Variants in RPS6KA2 observed in about 807,000 individuals in gnomAD.
RPS6KA2 encodes the protein ribosomal protein S6 kinase alpha-2.
A neutral mutation model predicts 91.8 loss-of-function variants in RPS6KA2; 42 were observed. The ratio of observed to expected loss-of-function variants is 0.46; its 90% CI spans 0.36 to 0.59. RPS6KA2 has a LOEUF of 0.59. Ranked by LOEUF, RPS6KA2 falls within the 20% of genes least tolerant of loss-of-function variation. The pLI is 0.00. For missense variants in RPS6KA2, 798 were observed against 978.5 expected, an observed-to-expected ratio of 0.82 and a Z score of 2.46; for synonymous variants, 414 against 393.6, an observed-to-expected ratio of 1.05 and a Z score of -0.61.
In RPS6KA2 at chr6:166,557,304, G is replaced by A. The variant is rs550042204; in HGVS notation, c.100-18520C>T. On this transcript the variant is annotated intron_variant, in intron 1 of 20. Transcript: ENST00000265678. This position sits in a 1 kb window ranked among gnomAD's most constrained non-coding sequence, Gnocchi z 4.8. ...GGAGCATGCTTCCCAAGAACAGCCCGCAGGGAAGACGCCCAAAACCTAAAT... is the reference window on the plus strand; with the variant it reads ...GGAGCATGCTTCCCAAGAACAGCCCACAGGGAAGACGCCCAAAACCTAAAT... Among the ~76,000 whole-genome samples the A allele has an allele frequency of 2.6e-5, 4 of 152,208 alleles. No homozygotes were observed. The highest frequency in any genetic ancestry group is 1.3e-4 in the Admixed American group (2 of 15,284).
chr6:166,689,954 C>T (rs1257708384), intron 2 of RPS6KA2, among the ~76,000 whole-genome samples: 2 of 152,252 alleles, frequency 1.3e-5, no homozygotes, highest in African/African-American at 4.8e-5. Context: ...GGCCTCTGGT[C>T]CTGCTGCTGT....
chr6:166,497,536 C>A (rs757633531), intron 8 of RPS6KA2, among the ~76,000 whole-genome samples: 4 of 152,264 alleles, frequency 2.6e-5, no homozygotes, highest in Non-Finnish European at 5.9e-5. Context: ...ACGTGGAACA[C>A]AGCCAGGGCC....
intron 3 of RPS6KA2, among the ~76,000 whole-genome samples, 179 bp downstream of exon 3, chr6:166,531,053 A>T (rs528532456): frequency 6.6e-6 from 1 of 152,364 alleles, no homozygotes; most frequent in Admixed American, 6.5e-5. Context: ...CTCTGCAGGG[A>T]TATTTTAAAT....
At chr6:166,715,992 T>G (rs1789998787) in intron 2 of RPS6KA2, among the ~76,000 whole-genome samples, 1 of 129,862 alleles carries the variant, frequency 7.7e-6, no homozygotes, top group Non-Finnish European at 1.5e-5. Context: ...GAGCCGAGAC[T>G]GCACCACTGC....
chr6:166,561,796 G>A (rs1365506123), intron 1 of RPS6KA2, among the ~76,000 whole-genome samples: 4 of 152,062 alleles, frequency 2.6e-5, no homozygotes, highest in African/African-American at 4.8e-5. Context: ...GATGGGCTGC[G>A]GGTTGGACAA....
intron 2 of RPS6KA2, among the ~76,000 whole-genome samples, chr6:166,672,232 A>G (rs6933835): frequency 0.5 from 76,634 of 151,918 alleles, 20,472 homozygotes; most frequent in African/African-American, 0.69. Context: ...GGAGAACACT[A>G]CGGGGAACAA....
chr6:166,799,273 T>C (rs1779301517), intron 2 of RPS6KA2, among the ~76,000 whole-genome samples: 1 of 152,274 alleles, frequency 6.6e-6, no homozygotes, highest in Non-Finnish European at 1.5e-5. Flanking sequence ...TCTGAGATTT[T>C]AATTTTATAA....
intron 2 of RPS6KA2, among the ~76,000 whole-genome samples, chr6:166,779,213 T>A (rs1778704392): frequency 6.6e-6 from 1 of 152,186 alleles, no homozygotes; most frequent in South Asian, 2.1e-4. Context: ...GCCCTCAGGA[T>A]GGTGCAACAG....
intron 11 of RPS6KA2, among the ~76,000 whole-genome samples, chr6:166,466,383 C>T (rs1421334037): frequency 2.6e-5 from 4 of 152,262 alleles, no homozygotes; most frequent in African/African-American, 4.8e-5. Context: ...AGGCATCTCA[C>T]AAGGTTGTCT....
At chr6:166,597,126 G>C (rs3799595) in intron 1 of RPS6KA2, among the ~76,000 whole-genome samples, 13,846 of 152,304 alleles carry the variant, frequency 0.091, 753 homozygotes, top group East Asian at 0.27. Context: ...AAGTGAGATG[G>C]AGAGAAAGGA....
Position 166,754,163 on chromosome 6 carries a change from G to T in RPS6KA2, c.123+104037C>A, listed in dbSNP as rs1407678836. 5.9e-5 allele frequency among the ~76,000 whole-genome samples: 9 copies of T among 152,324 alleles called. No homozygotes were observed. The South Asian group carries it at 1.7e-3, about 28-fold the overall frequency. ...CCTATTTTTGCATTTCCCACATCAT[G>T]TATGTTGGAAGAATCTTGAATACAC... On this transcript the variant is annotated intron_variant, in intron 2 of 21. Coordinates refer to the RPS6KA2 transcript ENST00000503859.
chr6:166,773,736 C>G (rs1432801717), intron 2 of RPS6KA2, among the ~76,000 whole-genome samples: 1 of 152,192 alleles, frequency 6.6e-6, no homozygotes, highest in Non-Finnish European at 1.5e-5. Context: ...TCTGTCCATC[C>G]TGTTACATAC....
At chr6:166,654,923 C>A (rs1787961977) in intron 2 of RPS6KA2, among the ~76,000 whole-genome samples, 1 of 151,964 alleles carries the variant, frequency 6.6e-6, no homozygotes, top group African/African-American at 2.4e-5. Flanking sequence ...AGCTCCTCAA[C>A]CTTTCCCCTC....
At chr6:166,790,175 G>A (rs1252215537) in intron 2 of RPS6KA2, among the ~76,000 whole-genome samples, 4 of 152,236 alleles carry the variant, frequency 2.6e-5, no homozygotes, top group Admixed American at 2.6e-4. Context: ...TAAAGGAGCT[G>A]ATGGAGCTGA....
intron 2 of RPS6KA2, among the ~76,000 whole-genome samples, chr6:166,822,595 C>T (rs772006680): frequency 2.0e-5 from 3 of 152,212 alleles, no homozygotes; most frequent in African/African-American, 2.4e-5. Flanking sequence ...CGATTTCCAG[C>T]TACACTGAGA....
At chr6:166,475,571 C>G (rs1004624552) in intron 10 of RPS6KA2, among the ~76,000 whole-genome samples, 1 of 152,228 alleles carries the variant, frequency 6.6e-6, no homozygotes, top group Non-Finnish European at 1.5e-5. Flanking sequence ...CTGTCGCCCC[C>G]ACTCAAATAG....
intron 2 of RPS6KA2, among the ~76,000 whole-genome samples, chr6:166,708,511 A>C (rs1472815524): frequency 1.3e-5 from 2 of 152,248 alleles, no homozygotes; most frequent in African/African-American, 4.8e-5. Flanking sequence ...AGGATGTTAA[A>C]AATAATTTCA....
intron 12 of RPS6KA2, among the ~76,000 whole-genome samples, chr6:166,457,879 C>T (rs1268941537): frequency 1.3e-5 from 2 of 152,112 alleles, no homozygotes; most frequent in African/African-American, 4.8e-5. Flanking sequence ...ATTTGTTTCC[C>T]GATTATCTTT....
chr6:166,755,843 G>A (rs1389543682), intron 2 of RPS6KA2, among the ~76,000 whole-genome samples: 2 of 152,218 alleles, frequency 1.3e-5, no homozygotes, highest in East Asian at 3.8e-4. Context: ...ACTCAGGGCT[G>A]AGCTGGGTAA....
Sources: gnomAD v4.1 joint callset for allele counts (sites outside exome capture counted in the v4.1 genomes callset) on GRCh38, gnomAD v4.1.1 for gene constraint, Gnocchi (gnomAD v3.1) non-coding constraint, MANE v1.5 for transcripts, NCBI Gene and HGNC (gene_info 2026-07-23, HGNC 2026-07-21) for gene names.